MGAT4C: variants seen among roughly 807,000 people sequenced by gnomAD.
The protein encoded by MGAT4C is alpha-1,3-mannosyl-glycoprotein 4-beta-N-acetylglucosaminyltransferase C.
MGAT4C carries 19 observed loss-of-function variants against 40.1 expected under a neutral mutation model. That is an observed-to-expected ratio of 0.47 (90% CI 0.33 to 0.70). The LOEUF is 0.70. Among genes scored for constraint, MGAT4C ranks in the 30% least tolerant of loss-of-function variants. The probability of loss-of-function intolerance (pLI) is 0.02; values close to 1 mark genes in which losing one functional copy is unlikely to be tolerated. For missense variants in MGAT4C, 491 were observed against 563.2 expected (o/e 0.87, Z 1.30); for synonymous variants, 181 against 187.1 (o/e 0.97, Z 0.27).
At chr12:86,516,408 G>A (rs912978656) in intron 2 of MGAT4C, among the ~76,000 whole-genome samples, 1 of 152,052 alleles carries the variant, frequency 6.6e-6, no homozygotes, top group Non-Finnish European at 1.5e-5. Flanking sequence ...AAAATACCAA[G>A]CTTGACCTCT....
chr12:86,429,012 TC>T (rs1283775390), intron 3 of MGAT4C, among the ~76,000 whole-genome samples: 1 of 152,086 alleles, frequency 6.6e-6, no homozygotes, highest in Non-Finnish European at 1.5e-5. Context: ...CCTAGTTTGT[TC>T]TTTTTCTATT....
At chr12:86,649,683 C>A (rs1300355139) in intron 2 of MGAT4C, among the ~76,000 whole-genome samples, 1 of 151,814 alleles carries the variant, frequency 6.6e-6, no homozygotes, top group East Asian at 2.0e-4. Context: ...GGAAAATGTA[C>A]CATTTAACTG....
At chr12:86,455,520 ACT>A (rs1195965831) in intron 2 of MGAT4C, among the ~76,000 whole-genome samples, 3 of 152,066 alleles carry the variant, frequency 2.0e-5, no homozygotes, top group African/African-American at 7.2e-5. Context: ...TAAAAAGGAA[ACT>A]CTTTCTTCAC....
intron 2 of MGAT4C, among the ~76,000 whole-genome samples, chr12:86,585,948 T>C (rs1260685402): frequency 6.6e-6 from 1 of 151,196 alleles, no homozygotes; most frequent in African/African-American, 2.4e-5. Flanking sequence ...TTTTTCCCTT[T>C]TTTTAATTAT....
At chr12:86,063,170 A>G (rs7295033) in intron 1 of MGAT4C, among the ~76,000 whole-genome samples, 121,638 of 152,082 alleles carry the variant, frequency 0.8, 49,282 homozygotes, top group East Asian at 0.97. Flanking sequence ...GACTAACAGC[A>G]GATCTCTCTA....
At chr12:86,817,122 CT>C (rs549820511) in intron 1 of MGAT4C, among the ~76,000 whole-genome samples, 1 of 150,446 alleles carries the variant, frequency 6.6e-6, no homozygotes, top group South Asian at 2.1e-4. Flanking sequence ...TTCAAACATT[CT>C]TTTTTCATGA....
At chr12:86,007,041 T>C (rs1318208503) in intron 2 of MGAT4C, among the ~76,000 whole-genome samples, 1 of 152,178 alleles carries the variant, frequency 6.6e-6, no homozygotes, top group East Asian at 1.9e-4. Flanking sequence ...TTGTGAATCA[T>C]ATAATTCCTC....
At chr12:86,654,355 CT>C (rs1963781718) in intron 2 of MGAT4C, among the ~76,000 whole-genome samples, 1 of 147,742 alleles carries the variant, frequency 6.8e-6, no homozygotes, top group Non-Finnish European at 1.5e-5. Flanking sequence ...TTTTTTTTTC[CT>C]GACAACAATC....
intron 1 of MGAT4C, among the ~76,000 whole-genome samples, chr12:86,735,897 A>G (rs1373834871): frequency 6.6e-6 from 1 of 151,860 alleles, no homozygotes; most frequent in South Asian, 2.1e-4. Flanking sequence ...CTATTTTCCA[A>G]TGATAACCTT....
intron 2 of MGAT4C, among the ~76,000 whole-genome samples, chr12:86,508,301 A>G (rs1958508132): frequency 6.6e-6 from 1 of 151,964 alleles, no homozygotes; most frequent in Non-Finnish European, 1.5e-5. Flanking sequence ...GAGTGAGAAC[A>G]TGCGGTGTTT....
chr12:86,522,075 C>A (rs926950052), intron 2 of MGAT4C, among the ~76,000 whole-genome samples: 2 of 152,052 alleles, frequency 1.3e-5, no homozygotes, highest in Non-Finnish European at 2.9e-5. Flanking sequence ...TCCTCTTTTC[C>A]AATTTGGATG....
chr12:86,445,394 A>C (rs1957315788), intron 2 of MGAT4C, among the ~76,000 whole-genome samples: 1 of 152,198 alleles, frequency 6.6e-6, no homozygotes, highest in Non-Finnish European at 1.5e-5. Context: ...AGCAAAATTT[A>C]TTAAAATAAT....
intron 1 of MGAT4C, among the ~76,000 whole-genome samples, chr12:86,782,283 G>A (rs1339298158): frequency 7.8e-6 from 1 of 128,954 alleles, no homozygotes. Flanking sequence ...CCGGGTTCAC[G>A]CCATTCTCCT....
At chr12:86,064,769 C>T (rs1894362829) in intron 1 of MGAT4C, among the ~76,000 whole-genome samples, 1 of 152,082 alleles carries the variant, frequency 6.6e-6, no homozygotes, top group African/African-American at 2.4e-5. Context: ...ATCAATAAAT[C>T]CAGGAGCTGG....
chr12:86,285,980 C>T (rs1469852104), intron 4 of MGAT4C, among the ~76,000 whole-genome samples: 1 of 151,922 alleles, frequency 6.6e-6, no homozygotes, highest in Non-Finnish European at 1.5e-5. Context: ...AAAAGAAATA[C>T]AACAAACCAG....
At chr12:86,058,551 T>C (rs1024554998) in intron 1 of MGAT4C, among the ~76,000 whole-genome samples, 2 of 152,176 alleles carry the variant, frequency 1.3e-5, no homozygotes, top group Non-Finnish European at 2.9e-5. Flanking sequence ...TACAATAGTC[T>C]TATGAAGCAA....
upstream of MGAT4C, among the ~76,000 whole-genome samples, chr12:86,261,296 T>C (rs576931965): frequency 1.0e-3 from 155 of 152,232 alleles, 1 homozygote; most frequent in African/African-American, 3.6e-3. Context: ...GAAGACCTTA[T>C]ATAATGCCAG....
chr12:86,203,451 T>C (rs1593225285), intron 1 of MGAT4C, among the ~76,000 whole-genome samples: 1 of 152,282 alleles, frequency 6.6e-6, no homozygotes, highest in Non-Finnish European at 1.5e-5. Context: ...ATTAGGTAAG[T>C]ACTCTCAAAC....
intron 2 of MGAT4C, among the ~76,000 whole-genome samples, chr12:86,552,053 G>T (rs1411529868): frequency 1.0e-5 from 1 of 96,374 alleles, no homozygotes; most frequent in African/African-American, 3.9e-5. Flanking sequence ...CCAAAAAACA[G>T]ACACTTCTAA....
Sources: gnomAD v4.1 joint callset for allele counts (sites outside exome capture counted in the v4.1 genomes callset) on GRCh38, gnomAD v4.1.1 for gene constraint, MANE v1.5 for transcripts, NCBI Gene and HGNC (gene_info 2026-07-23, HGNC 2026-07-21) for gene names.